Variants in PID1 observed in about 807,000 individuals in gnomAD.
PID1 encodes PTB-containing, cubilin and LRP1-interacting protein.
PID1 carries 10 observed loss-of-function variants against 19.1 expected under a neutral mutation model. That is an observed-to-expected ratio of 0.52 (90% CI 0.32 to 0.89). The LOEUF is 0.89. PID1 is among the 40% of genes least tolerant of loss of function. The pLI, the probability that PID1 is intolerant of heterozygous loss-of-function variation, is 0.03. For synonymous variants in PID1, 130 were observed against 116.0 expected (o/e 1.12, Z -0.78); for missense variants, 248 against 285.3 (o/e 0.87, Z 0.94).
At chr2:229,072,149 A>G (rs937595196) in intron 2 of PID1, among the ~76,000 whole-genome samples, 7 of 152,242 alleles carry the variant, frequency 4.6e-5, no homozygotes, top group Non-Finnish European at 1.0e-4. Flanking sequence ...ACTCAGTTTC[A>G]CTATGAACCA....
Position 229,051,277 on chromosome 2 carries a change from T to C in PID1, c.178-25169A>G, listed in dbSNP as rs138489395. On this transcript the variant is annotated intron_variant, in intron 2 of 2. Transcript: ENST00000392055. ...TTTAATCGACTAAAACAGATAAATA[T>C]GCAAAAAAAGCTTTTGGATCCTAAG... Among the ~76,000 whole-genome samples the C allele has an allele frequency of 3.3e-3, 507 of 152,252 alleles. 3 individuals are homozygous for C. The highest frequency in any genetic ancestry group is 0.012 in the African/African-American group (479 of 41,558).
chr2:229,132,390 G>A (rs763651523), intron 2 of PID1, among the ~76,000 whole-genome samples: 1 of 152,186 alleles, frequency 6.6e-6, no homozygotes, highest in Non-Finnish European at 1.5e-5. Flanking sequence ...CGAACCACAT[G>A]ATTCAGCATA....
chr2:229,199,927 G>T (rs1691460947), intron 1 of PID1, among the ~76,000 whole-genome samples: 1 of 151,890 alleles, frequency 6.6e-6, no homozygotes, highest in Non-Finnish European at 1.5e-5. Flanking sequence ...CTACATATAT[G>T]TGTGTGTGCA....
chr2:229,190,875 C>T, intron 1 of PID1, among the ~76,000 whole-genome samples: 1 of 152,130 alleles, frequency 6.6e-6, no homozygotes, highest in East Asian at 1.9e-4. Flanking sequence ...CACATCACCC[C>T]CATAGAGGCA....
Position 229,185,586 on chromosome 2 carries a change from A to G in PID1, c.31-29622T>C, listed in dbSNP as rs1470525908. On this transcript the variant is annotated intron_variant, in intron 1 of 2. Transcript: ENST00000392055. The stretch of plus-strand genomic sequence containing the variant: ...AGTCACATCTTACATGAATGGCAGC[A>G]GGCATTCATGTAAAGAGAGCTTTGC... Among the ~76,000 whole-genome samples, 3 of 152,334 alleles carry G rather than the reference A, an allele frequency of 2.0e-5. No individual in the cohort carries two copies. The East Asian group carries it at 5.8e-4, about 29-fold the overall frequency.
intron 2 of PID1, among the ~76,000 whole-genome samples, chr2:229,074,274 TC>T (rs1046931181): frequency 2.0e-5 from 3 of 151,736 alleles, no homozygotes; most frequent in Non-Finnish European, 4.4e-5. Context: ...AAGAGACCTG[TC>T]CCCAAAAATC....
intron 2 of PID1, among the ~76,000 whole-genome samples, chr2:229,140,687 C>T (rs1689992930): frequency 1.3e-5 from 2 of 152,132 alleles, no homozygotes; most frequent in African/African-American, 2.4e-5. Flanking sequence ...CTGGCCTACA[C>T]TAAGAGAAAT....
chr2:229,226,578 T>G (rs2106262999), intron 1 of PID1, among the ~76,000 whole-genome samples: 1 of 152,276 alleles, frequency 6.6e-6, no homozygotes, highest in East Asian at 1.9e-4. Context: ...ATCTGTACTA[T>G]TCCAGCTTGG....
At chr2:229,240,938 C>G (rs1574751416) in intron 1 of PID1, among the ~76,000 whole-genome samples, 1 of 152,024 alleles carries the variant, frequency 6.6e-6, no homozygotes, top group South Asian at 2.1e-4. Flanking sequence ...ATCTATTGAT[C>G]CATTTTCACA....
At chr2:229,075,558 G>A (rs17613859) in intron 2 of PID1, among the ~76,000 whole-genome samples, 17,930 of 152,100 alleles carry the variant, frequency 0.12, 1,158 homozygotes, top group East Asian at 0.15. Context: ...TCTAAAAAGC[G>A]ACTTGAATCA....
intron 1 of PID1, among the ~76,000 whole-genome samples, chr2:229,247,207 T>A (rs528608318): frequency 1.3e-5 from 2 of 152,254 alleles, no homozygotes; most frequent in East Asian, 3.9e-4. Flanking sequence ...AAAAGAACAT[T>A]GGTTTAAAGG....
In PID1 at chr2:229,229,366, G is replaced by A. The variant is rs746698315; in HGVS notation, c.30+41648C>T. ...TTTCACTCCAACTTGTAACTGGATT[G>A]CAATTGGATGTTCTTGCATTGCCCC... On this transcript the variant is annotated intron_variant, in intron 1 of 2. Transcript: ENST00000392055. 7.3e-4 allele frequency among the ~76,000 whole-genome samples: 111 copies of A among 152,122 alleles called. 1 individual carries two copies. Among genetic ancestry groups the A allele is most frequent in the Non-Finnish European group, 2.4e-4 (16 of 68,034 alleles).
chr2:229,083,954 C>T (rs1037556804), intron 2 of PID1, among the ~76,000 whole-genome samples: 3 of 152,148 alleles, frequency 2.0e-5, no homozygotes, highest in Admixed American at 6.5e-5. Flanking sequence ...ACATTCTTTG[C>T]GTTACTTTAA....
In PID1 at chr2:229,044,084, T is replaced by G. The variant is rs565422776; in HGVS notation, c.178-17976A>C. 2.0e-4 allele frequency among the ~76,000 whole-genome samples: 30 copies of G among 152,344 alleles called. No homozygotes were observed. In the South Asian group the frequency reaches 5.8e-3, roughly 29 times the overall value. The stretch of plus-strand genomic sequence containing the variant: ...ATCTCTTTTTAAAGAGAACTTTATT[T>G]TTATTGTTTTAGGAAATGTCTCTTT... On this transcript the variant is annotated intron_variant, in intron 2 of 2. Coordinates refer to ENST00000392055, the MANE Select transcript of PID1 (RefSeq NM_001100818.2).
At chr2:229,067,161 A>G (rs1372777027) in intron 2 of PID1, among the ~76,000 whole-genome samples, 1 of 152,086 alleles carries the variant, frequency 6.6e-6, no homozygotes, top group Non-Finnish European at 1.5e-5. Context: ...TTACAAAACC[A>G]TTAGCTCTCA....
chr2:229,269,164 T>C (rs373006929), intron 1 of PID1, among the ~76,000 whole-genome samples: 43 of 151,076 alleles, frequency 2.8e-4, no homozygotes, highest in African/African-American at 1.0e-3. Context: ...CTCGGTCTTA[T>C]TGGTGATAAG....
chr2:229,253,750 C>T (rs1297366102), intron 1 of PID1, among the ~76,000 whole-genome samples: 4 of 152,196 alleles, frequency 2.6e-5, no homozygotes, highest in Non-Finnish European at 5.9e-5. Flanking sequence ...TTTCCCCAGA[C>T]ATATGCTCTG....
At chr2:229,104,136 G>A (rs528187344) in intron 2 of PID1, among the ~76,000 whole-genome samples, 5 of 152,058 alleles carry the variant, frequency 3.3e-5, no homozygotes, top group South Asian at 4.2e-4. Context: ...TTCTCAAGTC[G>A]GTCTCGGTTT....
rs1690197532 is a variant in PID1, at chr2:229,149,215, A to G, written c.177+6603T>C. ...AAGAGCTGTAGAGATGCATGTGATG[A>G]GGGTGGTCACATAATAAAACTAATA... On this transcript the variant is annotated intron_variant, in intron 2 of 2. Transcript: ENST00000392055. Among the ~76,000 whole-genome samples, 3 of 152,224 alleles carry G rather than the reference A, an allele frequency of 2.0e-5. No individual in the cohort carries two copies. In the South Asian group the frequency reaches 6.2e-4, roughly 32 times the overall value.
Sources: gnomAD v4.1 joint callset for allele counts (sites outside exome capture counted in the v4.1 genomes callset) on GRCh38, gnomAD v4.1.1 for gene constraint, MANE v1.5 for transcripts, NCBI Gene and HGNC (gene_info 2026-07-23, HGNC 2026-07-21) for gene names.